The following C1orf94 variants were observed in gnomAD, a reference collection of about 807,000 sequenced individuals.
C1orf94 encodes chromosome 1 open reading frame 94.
In C1orf94, 45 loss-of-function variants were observed where a neutral mutation model predicts 53.6. The ratio of observed to expected loss-of-function variants is 0.84; its 90% confidence interval spans 0.66 to 1.08. The LOEUF is 1.08. Ranked by LOEUF, C1orf94 falls within the 50% of genes least tolerant of loss-of-function variation. C1orf94 has a pLI of 0.00. For missense variants in C1orf94, 762 were observed against 738.9 expected, an observed-to-expected ratio of 1.03 and a Z score of -0.36; for synonymous variants, 304 against 296.1, an observed-to-expected ratio of 1.03 and a Z score of -0.27.
chr1:34,210,941 C>T (rs754317907), intron 5 of C1orf94, among the ~76,000 whole-genome samples: 1 of 152,024 alleles, frequency 6.6e-6, no homozygotes, highest in Non-Finnish European at 1.5e-5. Flanking sequence ...CGTGAGCCAA[C>T]GCACCCAGCC....
At chr1:34,206,646 G>A (rs190983242) in intron 4 of C1orf94, among the ~76,000 whole-genome samples, 8 of 152,376 alleles carry the variant, frequency 5.3e-5, no homozygotes, top group Admixed American at 4.6e-4. Context: ...CGAAACAGAG[G>A]AGGGACACTT....
Position 34,197,419 on chromosome 1 carries a change from A to G in C1orf94, c.515A>G (p.Glu172Gly). 6.2e-7 allele frequency: 1 copy of G among 1,613,890 alleles called. No individual in the cohort carries two copies. The highest frequency in any genetic ancestry group is 8.5e-7 in the Non-Finnish European group (1 of 1,179,868). ...CCTCCTCTAGTGGCAGGCAGTAATG[A>G]GCGCCCCAGAGCCTCCATCATTGTC... ...LAPPLVAGSN[E>G]RPRASIIVGD... The change falls in exon 2 of 7, where the codon GAG (glutamate) becomes GGG (glycine). Residue 172 changes from glutamate (E) to glycine (G), a missense_variant. Glu to Gly is a moderately conservative substitution (Grantham distance 98, BLOSUM62 -2). Coordinates refer to ENST00000488417, the MANE Select transcript of C1orf94 (RefSeq NM_001134734.2). The surrounding 1 kb of genome is among the most constrained non-coding windows in gnomAD (Gnocchi z 4.1).
At chr1:34,175,255 G>C (rs1055405293), upstream of C1orf94, among the ~76,000 whole-genome samples, 3 of 151,192 alleles carry the variant, frequency 2.0e-5, no homozygotes, top group African/African-American at 7.3e-5. Flanking sequence ...CTCCTGCTGA[G>C]GGGGAGAGGG....
Position 34,197,505 on chromosome 1 carries a change from G to A in C1orf94, c.601G>A (p.Asp201Asn). The change falls in exon 2 of 7, where the codon GAT becomes AAT. Residue 201 changes from aspartate (D) to asparagine (N), a missense_variant. Coordinates refer to ENST00000488417, the MANE Select transcript of C1orf94 (RefSeq NM_001134734.2). The surrounding 1 kb of genome is among the most constrained non-coding windows in gnomAD (Gnocchi z 4.1). The part of the protein sequence containing the change: ...MPVISSRQDC[D>N]SATSTVTDIL... ...CGTTATCAGCAGCAGGCAGGACTGT[G>A]ATTCTGCCACTTCTACTGTCACAGA... 6.2e-7 allele frequency: 1 copy of A among 1,614,142 alleles called. No individual in the cohort carries two copies.
At chr1:34,193,869 G>A (rs1160803370) in intron 1 of C1orf94, among the ~76,000 whole-genome samples, 1 of 152,246 alleles carries the variant, frequency 6.6e-6, no homozygotes, top group African/African-American at 2.4e-5. Context: ...AGGGCTCACA[G>A]CTGGGGCGGG....
At chr1:34,210,116 G>GA (rs527716629) in intron 5 of C1orf94, among the ~76,000 whole-genome samples, 52 of 152,240 alleles carry the variant, frequency 3.4e-4, no homozygotes, top group African/African-American at 1.1e-3. Flanking sequence ...CAGATACATG[G>GA]AATCAGGGGC....
intron 1 of C1orf94, among the ~76,000 whole-genome samples, chr1:34,185,206 G>T (rs1476621989): frequency 6.6e-6 from 1 of 152,024 alleles, no homozygotes; most frequent in East Asian, 1.9e-4. Context: ...TTTAGATGGA[G>T]TCTCGCTCTG....
intron 1 of C1orf94, among the ~76,000 whole-genome samples, chr1:34,189,835 C>G (rs1642453852): frequency 6.6e-6 from 1 of 152,222 alleles, no homozygotes; most frequent in Non-Finnish European, 1.5e-5. Flanking sequence ...GGCCTCTGGC[C>G]CTGCCTGAAA....
In C1orf94 at chr1:34,177,864, C is replaced by T. The variant is rs1345281189; in HGVS notation, c.75C>T (p.Ala25=). ...TCCAGAAAGAGAGGAGGAGGATGGCCAGCGGGAATGGGCTTCCTTCATCCT... is the reference window on the plus strand; with the variant it reads ...TCCAGAAAGAGAGGAGGAGGATGGCTAGCGGGAATGGGCTTCCTTCATCCT... ...RGFQKERRRM[A]SGNGLPSSSA... The change falls in exon 1 of 7, where the codon GCC becomes GCT. Residue 25 remains alanine (A), a synonymous_variant. Coordinates refer to ENST00000488417, the MANE Select transcript of C1orf94 (RefSeq NM_001134734.2). 4 of 1,551,132 alleles carry T rather than the reference C, an allele frequency of 2.6e-6. No homozygotes were observed. Among genetic ancestry groups the T allele is most frequent in the Admixed American group, 2.0e-5 (1 of 50,982 alleles).
At chr1:34,167,147 GAGGA>G (rs1334078393) in exon 1 of C1orf94, 1 of 152,430 alleles carries the variant, frequency 6.6e-6, no homozygotes, top group Non-Finnish European at 1.5e-5. Flanking sequence ...CCCTGGAGAG[GAGGA>G]AGGGACTGAC....
intron 1 of C1orf94, 108 bp downstream of exon 1, chr1:34,178,217 G>T (rs924919403): frequency 2.6e-6 from 3 of 1,157,742 alleles, no homozygotes; most frequent in African/African-American, 3.1e-5. Flanking sequence ...AACCCTAAAG[G>T]CTGTATATTG....
At chr1:34,204,740 T>C (rs1314992420) in intron 4 of C1orf94, among the ~76,000 whole-genome samples, 3 of 152,178 alleles carry the variant, frequency 2.0e-5, no homozygotes, top group Admixed American at 1.3e-4. Flanking sequence ...GATTCAAAGA[T>C]GACTAAAGTC....
At chr1:34,208,276 G>A in intron 5 of C1orf94, 42 bp downstream of exon 5, 2 of 1,592,114 alleles carry the variant, frequency 1.3e-6, no homozygotes, top group Non-Finnish European at 1.7e-6. Flanking sequence ...GGTCCATGAA[G>A]GCCTTTGGGT....
intron 5 of C1orf94, among the ~76,000 whole-genome samples, chr1:34,211,876 G>T (rs1227590776): frequency 1.3e-5 from 2 of 152,254 alleles, no homozygotes; most frequent in African/African-American, 4.8e-5. Context: ...AGAGGGAAAA[G>T]CTAGGCAAAC....
chr1:34,210,555 A>T (rs1642872310), intron 5 of C1orf94, among the ~76,000 whole-genome samples: 1 of 152,240 alleles, frequency 6.6e-6, no homozygotes, highest in African/African-American at 2.4e-5. Context: ...AACTGGAAAT[A>T]ATAATGGCCC....
upstream of C1orf94, among the ~76,000 whole-genome samples, chr1:34,176,011 T>C (rs1571333463): frequency 6.6e-6 from 1 of 152,094 alleles, no homozygotes; most frequent in Admixed American, 6.5e-5. Context: ...GCTTGGCTGG[T>C]TTGCATCGAT....
intron 6 of C1orf94, 109 bp from the exon 7 acceptor site, chr1:34,218,577 C>A: frequency 1.2e-6 from 1 of 809,844 alleles, no homozygotes; most frequent in Non-Finnish European, 1.9e-6. Context: ...CCAAGCCTGT[C>A]ATGGTCTTCA....
upstream of C1orf94, among the ~76,000 whole-genome samples, chr1:34,176,583 C>T (rs575761446): frequency 7.9e-5 from 12 of 152,250 alleles, no homozygotes; most frequent in East Asian, 2.1e-3. Context: ...GGGCCTTGGA[C>T]GCAATCCCTT....
intron 1 of C1orf94, among the ~76,000 whole-genome samples, chr1:34,191,605 C>G (rs1250009021): frequency 1.3e-5 from 2 of 152,300 alleles, no homozygotes; most frequent in African/African-American, 4.8e-5. Flanking sequence ...ACCCCAGAGC[C>G]CTCCACTTCA....
Sources: allele counts gnomAD v4.1 joint callset (sites outside exome capture counted in the v4.1 genomes callset), GRCh38; gene constraint gnomAD v4.1.1; non-coding constraint Gnocchi (gnomAD v3.1); transcripts MANE v1.5; gene names NCBI Gene and HGNC (gene_info 2026-07-23, HGNC 2026-07-21).